Variants in TMEM161B observed in about 807,000 individuals in gnomAD.
TMEM161B encodes the protein transmembrane protein 161B.
TMEM161B carries 34 observed loss-of-function variants against 61.8 expected under a neutral mutation model. That is an observed-to-expected ratio of 0.55 (90% CI 0.42 to 0.73). The LOEUF is 0.73. Ranked by LOEUF, TMEM161B falls within the 30% of genes least tolerant of loss-of-function variation. TMEM161B has a pLI of 0.00. For missense variants in TMEM161B, 456 were observed against 558.5 expected (o/e 0.82, Z 1.85); for synonymous variants, 167 against 192.8 (o/e 0.87, Z 1.11).
chr5:88,260,855 A>C (rs1286675079), intron 1 of TMEM161B, among the ~76,000 whole-genome samples: 1 of 152,248 alleles, frequency 6.6e-6, no homozygotes, highest in Non-Finnish European at 1.5e-5. Context: ...GCAAAAGTTT[A>C]AGTTGTTTCA....
chr5:88,225,123 A>G (rs1443418686), intron 4 of TMEM161B, among the ~76,000 whole-genome samples: 2 of 151,584 alleles, frequency 1.3e-5, no homozygotes, highest in African/African-American at 4.8e-5. Flanking sequence ...GCCTGCCACC[A>G]CGCCTGGCTA....
At chr5:88,257,633 T>A (rs1360592296) in intron 1 of TMEM161B, among the ~76,000 whole-genome samples, 2 of 152,202 alleles carry the variant, frequency 1.3e-5, no homozygotes, top group African/African-American at 4.8e-5. Flanking sequence ...TGTCTATGAT[T>A]GCAATATTTT....
chr5:88,257,176 C>T (rs1343731631), intron 1 of TMEM161B, among the ~76,000 whole-genome samples: 1 of 151,962 alleles, frequency 6.6e-6, no homozygotes, highest in African/African-American at 2.4e-5. Flanking sequence ...GGCTGAGGCA[C>T]GAGAATCGCA....
At chr5:88,201,959 C>T (rs1331804753) in intron 9 of TMEM161B, 1 of 328,536 alleles carries the variant, frequency 3.0e-6, no homozygotes, top group African/African-American at 2.1e-5. Flanking sequence ...AAAAGGTACA[C>T]TGCGGAGTCA....
At chr5:88,217,877 G>C (rs374545595) in intron 5 of TMEM161B, among the ~76,000 whole-genome samples, 1 of 139,248 alleles carries the variant, frequency 7.2e-6, no homozygotes, top group South Asian at 2.3e-4. Flanking sequence ...CCAAACACAA[G>C]CAACTCAGAG....
At position 88,196,360 on chromosome 5, in the gene TMEM161B, T is replaced by C. The variant is rs753574492; in HGVS notation, c.1315A>G (p.Ile439Val). 10 of 1,613,322 alleles carry C rather than the reference T, an allele frequency of 6.2e-6. No homozygotes were observed. The highest frequency in any genetic ancestry group is 8.5e-6 in the Non-Finnish European group (10 of 1,179,564). The change falls in exon 12 of 12, where the codon ATA becomes GTA. Residue 439 changes from isoleucine (I) to valine (V), a missense_variant. Physicochemically the swap from Ile to Val is conservative, Grantham distance 29. Coordinates refer to ENST00000296595, the MANE Select transcript of TMEM161B (RefSeq NM_153354.5). ...EGKMKVTVTQITVALSSLKNI... is the reference protein window; with the variant it reads ...EGKMKVTVTQVTVALSSLKNI... ...TTTAAGCTGCTCAGTGCCACTGTTA[T>C]TTGTGTAACAGTTACCTTCATTTTC... is the stretch of plus-strand genomic sequence containing the variant.
At chr5:88,239,903 A>G (rs959821171) in intron 2 of TMEM161B, among the ~76,000 whole-genome samples, 35 of 152,022 alleles carry the variant, frequency 2.3e-4, no homozygotes, top group Non-Finnish European at 7.4e-5. Context: ...AGGCCTAACC[A>G]AAAGAAAGCA....
At chr5:88,189,302 C>T (rs1012750614), downstream of TMEM161B, among the ~76,000 whole-genome samples, 1 of 152,020 alleles carries the variant, frequency 6.6e-6, no homozygotes, top group Admixed American at 6.6e-5. Context: ...AAATGAGTTC[C>T]ACAGTGAACT....
At chr5:88,266,744 T>C (rs1756426402) in intron 1 of TMEM161B, among the ~76,000 whole-genome samples, 1 of 152,238 alleles carries the variant, frequency 6.6e-6, no homozygotes, top group Non-Finnish European at 1.5e-5. Flanking sequence ...CTTCATTTAA[T>C]GGTTAAACTC....
chr5:88,223,162 A>C (rs1749324648), intron 4 of TMEM161B, among the ~76,000 whole-genome samples: 1 of 150,060 alleles, frequency 6.7e-6, no homozygotes, highest in Non-Finnish European at 1.5e-5. Context: ...GAAATAGCCT[A>C]GTTCTCACTA....
In TMEM161B at chr5:88,195,333, T is replaced by G; in HGVS notation, c.*878A>C. The G allele has an allele frequency of 2.5e-6, 2 of 813,532 alleles. No individual in the cohort carries two copies. The highest frequency in any genetic ancestry group is 3.0e-6 in the Non-Finnish European group (2 of 675,198). 50.4% of individuals were successfully genotyped at this position (813,532 alleles called of 1,614,324 possible). ...TAAAATATTATAAGGATTCAATATT[T>G]TCATCTTTTATAATCTCAATATATT... On this transcript the variant is annotated 3_prime_UTR_variant, in exon 12 of 12. Transcript: ENST00000296595.
chr5:88,202,909 T>C, intron 9 of TMEM161B, 53 bp downstream of exon 9: 1 of 1,161,172 alleles, frequency 8.6e-7, no homozygotes, highest in Non-Finnish European at 1.3e-6. Context: ...GTAAATAACA[T>C]TTAGTAAAGC....
At chr5:88,223,644 T>C (rs1363252811) in intron 4 of TMEM161B, among the ~76,000 whole-genome samples, 1 of 152,096 alleles carries the variant, frequency 6.6e-6, no homozygotes, top group Non-Finnish European at 1.5e-5. Flanking sequence ...TCTCAGCACT[T>C]TGGGAGGCCG....
intron 1 of TMEM161B, among the ~76,000 whole-genome samples, chr5:88,252,309 C>T (rs1030594326): frequency 1.3e-5 from 2 of 152,108 alleles, no homozygotes; most frequent in African/African-American, 2.4e-5. Flanking sequence ...TGAATTTTAG[C>T]TCCTTGAGTC....
chr5:88,195,614 A>G lies in TMEM161B; in HGVS notation c.*597T>C. 1 of 985,116 alleles carries G rather than the reference A, an allele frequency of 1.0e-6. No homozygotes were observed. Among genetic ancestry groups the G allele is most frequent in the Non-Finnish European group, 1.2e-6 (1 of 829,354 alleles). 61.0% of individuals were successfully genotyped at this position (985,116 alleles called of 1,614,324 possible). On this transcript the variant is annotated 3_prime_UTR_variant, in exon 12 of 12. Transcript: ENST00000296595. ...TAAAACAATACTCTTGCTATTCTCA[A>G]GCAGCAGTAGTTATATATTTTAACC...
chr5:88,266,476 TGTTGAGTA>T (rs1271609754), intron 1 of TMEM161B, among the ~76,000 whole-genome samples: 27 of 152,276 alleles, frequency 1.8e-4, no homozygotes, highest in African/African-American at 6.3e-4. Context: ...TCCTCAAAAA[TGTTGAGTA>T]GTCATGGAAT....
downstream of TMEM161B, among the ~76,000 whole-genome samples, chr5:88,187,896 G>A (rs1270331317): frequency 6.6e-6 from 1 of 151,880 alleles, no homozygotes; most frequent in Admixed American, 6.6e-5. Context: ...TTTAAATTTT[G>A]TTCTACAATG....
At chr5:88,250,058 G>C (rs1051498084) in intron 1 of TMEM161B, among the ~76,000 whole-genome samples, 1 of 152,114 alleles carries the variant, frequency 6.6e-6, no homozygotes, top group Non-Finnish European at 1.5e-5. Flanking sequence ...AACACAGAAA[G>C]ACACCAGATT....
At chr5:88,191,876 G>T (rs1405292717), downstream of TMEM161B, among the ~76,000 whole-genome samples, 5 of 144,056 alleles carry the variant, frequency 3.5e-5, no homozygotes, top group African/African-American at 1.3e-4. Flanking sequence ...AGAATGGCGT[G>T]AACCCGGGAG....
Sources: gnomAD v4.1 joint callset for allele counts (sites outside exome capture counted in the v4.1 genomes callset) on GRCh38, gnomAD v4.1.1 for gene constraint, MANE v1.5 for transcripts, NCBI Gene and HGNC (gene_info 2026-07-23, HGNC 2026-07-21) for gene names.